The following PARP1 variants were observed in gnomAD, a reference collection of about 807,000 sequenced individuals.
PARP1 encodes the protein poly(ADP-ribose) polymerase 1.
PARP1 carries 44 observed loss-of-function variants against 118.7 expected under a neutral mutation model. The ratio of observed to expected loss-of-function variants is 0.37; its 90% confidence interval spans 0.29 to 0.48. The LOEUF (loss-of-function observed/expected upper bound fraction) is 0.48, where lower values mean the gene tolerates loss of function less well. Among genes scored for constraint, PARP1 ranks in the 20% least tolerant of loss-of-function variants. The probability of loss-of-function intolerance (pLI) is 0.99; values close to 1 mark genes in which losing one functional copy is unlikely to be tolerated. For synonymous variants in PARP1, 492 were observed against 483.2 expected (o/e 1.02, Z -0.24); for missense variants, 1,100 against 1,272.4 (o/e 0.86, Z 2.06).
intron 18 of PARP1, 57 bp downstream of exon 18, chr1:226,365,897 T>A: frequency 8.9e-7 from 1 of 1,129,550 alleles, no homozygotes; most frequent in Non-Finnish European, 1.4e-6. Flanking sequence ...GTTGGAGGAG[T>A]GGGCAGGGAA....
chr1:226,379,840 A>G (rs1664569353), intron 10 of PARP1, 82 bp downstream of exon 10: 2 of 1,602,472 alleles, frequency 1.2e-6, no homozygotes, highest in Admixed American at 3.3e-5. Context: ...CAGGGACACA[A>G]AGGGAGAGGT....
intron 3 of PARP1, among the ~76,000 whole-genome samples, chr1:226,390,918 T>G (rs1191954743): frequency 6.6e-6 from 1 of 151,908 alleles, no homozygotes; most frequent in Non-Finnish European, 1.5e-5. Flanking sequence ...TCTGCTGACC[T>G]GGGGCAGGCA....
chr1:226,371,137 C>G (rs1664375029), intron 14 of PARP1: 1 of 156,664 alleles, frequency 6.4e-6, no homozygotes, highest in Admixed American at 6.0e-5. Flanking sequence ...GATCTGCAGC[C>G]TTCATTTTCC....
Position 226,381,182 on chromosome 1 carries a change from G to C in PARP1, c.1186C>G (p.Leu396Val), listed in dbSNP as rs763992857. The C allele has an allele frequency of 6.2e-7, 1 of 1,614,166 alleles. No homozygotes were observed. The highest frequency in any genetic ancestry group is 1.3e-5 in the African/African-American group (1 of 75,036). ...ADKPLSNMKILTLGKLSRNKD... is the reference protein window; with the variant it reads ...ADKPLSNMKIVTLGKLSRNKD... ...TTCCGGGACAGCTTCCCGAGAGTCAGGATCTTCATGTTGGATAATGGCTTA... is the reference window on the plus strand; with the variant it reads ...TTCCGGGACAGCTTCCCGAGAGTCACGATCTTCATGTTGGATAATGGCTTA... Residue 396 changes from leucine (L) to valine (V), a missense_variant, in exon 9 of 23, where the codon CTG becomes GTG. Physicochemically the swap from Leu to Val is conservative, Grantham distance 32. This residue lies in a region of PARP1 where 948 missense variants were observed against 1,031.8 expected (regional missense o/e 0.92). Transcript: ENST00000366794.
At chr1:226,384,379 G>A (rs1664678992) in intron 7 of PARP1, among the ~76,000 whole-genome samples, 1 of 152,252 alleles carries the variant, frequency 6.6e-6, no homozygotes, top group African/African-American at 2.4e-5. Context: ...TTGATTCTGT[G>A]GGACAAGTGC....
chr1:226,403,577 C>A (rs886746249), intron 1 of PARP1, among the ~76,000 whole-genome samples: 5 of 152,218 alleles, frequency 3.3e-5, no homozygotes, highest in African/African-American at 1.2e-4. Flanking sequence ...CCTGTGTAAT[C>A]CCACAATCTG....
chr1:226,391,504 G>A lies in PARP1; in HGVS notation c.402+695C>T, dbSNP rs1169416160. Among the ~76,000 whole-genome samples the A allele has an allele frequency of 4.6e-5, 7 of 152,032 alleles. No individual in the cohort carries two copies. In the East Asian group the frequency reaches 7.7e-4, roughly 17 times the overall value. On this transcript the variant is annotated intron_variant, in intron 3 of 22. Coordinates refer to ENST00000366794, the MANE Select transcript of PARP1 (RefSeq NM_001618.4). ...AGTAACCCAGCAGCACATACCATCC[G>A]GCATTCCCCTTGAGGTAAAGAGGAT...
chr1:226,401,915 T>G (rs1576404054), intron 2 of PARP1: 2 of 1,306,528 alleles, frequency 1.5e-6, no homozygotes, highest in Non-Finnish European at 2.0e-6. Flanking sequence ...GGGGAGGGGG[T>G]ACTGGAAACT....
intron 8 of PARP1, among the ~76,000 whole-genome samples, chr1:226,382,825 T>C (rs1664642873): frequency 6.6e-6 from 1 of 152,234 alleles, no homozygotes; most frequent in Admixed American, 6.5e-5. Context: ...GCCGATGCTA[T>C]GTTCTTAACA....
At chr1:226,381,240 G>A in intron 8 of PARP1, 32 bp from the exon 9 acceptor site, 1 of 1,613,960 alleles carries the variant, frequency 6.2e-7, no homozygotes, top group Non-Finnish European at 8.5e-7. Flanking sequence ...ATTCAGCAAG[G>A]CCAGCTCTGG....
At chr1:226,371,242 T>C (rs1664377172) in intron 14 of PARP1, 1 of 154,614 alleles carries the variant, frequency 6.5e-6, no homozygotes, top group South Asian at 2.0e-4. Context: ...GAGACACCTG[T>C]GTACCAATGG....
intron 15 of PARP1, among the ~76,000 whole-genome samples, chr1:226,369,821 G>A (rs1664342182): frequency 6.6e-6 from 1 of 152,154 alleles, no homozygotes; most frequent in South Asian, 2.1e-4. Context: ...GCCGGGTGTG[G>A]TGGCCCATGC....
chr1:226,408,075 C>G lies in PARP1; in HGVS notation c.-146G>C, dbSNP rs1665189314. On this transcript the variant is annotated 5_prime_UTR_variant, in exon 1 of 23. Transcript: ENST00000366794. ...CCGAACACGCCGCACCGGCCACCGC[C>G]GTTCCCTGATAGATTGCTGATGCCT... 4 of 1,201,566 alleles carry G rather than the reference C, an allele frequency of 3.3e-6. No individual in the cohort carries two copies. Among genetic ancestry groups the G allele is most frequent in the Admixed American group, 2.0e-5 (1 of 49,440 alleles). 74.4% of individuals were successfully genotyped at this position (1,201,566 alleles called of 1,614,324 possible).
chr1:226,384,295 T>C (rs565319158), intron 7 of PARP1, among the ~76,000 whole-genome samples: 12 of 152,060 alleles, frequency 7.9e-5, no homozygotes, highest in African/African-American at 2.9e-4. Flanking sequence ...AAGAAAAGGG[T>C]GGCAGAAAAA....
At position 226,385,528 on chromosome 1, in the gene PARP1, G is replaced by A. The variant is rs770845304; in HGVS notation, c.987C>T (p.Asn329=). The A allele has an allele frequency of 5.6e-6, 9 of 1,613,936 alleles. No homozygotes were observed. In the Admixed American group the frequency reaches 1.5e-4, roughly 27 times the overall value. ...TKCMVKTQTP[N]RKEWVTPKEF... The stretch of plus-strand genomic sequence containing the variant: ...CCTTTGGGGTTACCCACTCCTTCCG[G>A]TTGGGTGTCTGTGTCTTGACCATAC... The change falls in exon 7 of 23, where the codon AAC becomes AAT. Residue 329 remains asparagine (N), a synonymous_variant. Coordinates refer to ENST00000366794, the MANE Select transcript of PARP1 (RefSeq NM_001618.4).
chr1:226,383,103 G>T lies in PARP1; in HGVS notation c.1092C>A (p.Ser364=), dbSNP rs761844848. The T allele has an allele frequency of 1.4e-5, 23 of 1,612,910 alleles. No homozygotes were observed. The highest frequency in any genetic ancestry group is 1.9e-5 in the Non-Finnish European group (23 of 1,179,806). The change falls in exon 8 of 23, where the codon TCC becomes TCA. Residue 364 remains serine (S), a synonymous_variant. Transcript: ENST00000366794. ...TGGAGGGCGGAGGCGTGGCCGCCAC[G>T]GAGGCGCTGGTTTCTGGGGGGAATA... is the stretch of plus-strand genomic sequence containing the variant. ...DRIFPPETSA[S]VAATPPPSTA... is the part of the protein sequence containing the mutation.
intron 2 of PARP1, among the ~76,000 whole-genome samples, chr1:226,397,827 G>A: frequency 6.6e-6 from 1 of 152,026 alleles, no homozygotes; most frequent in East Asian, 1.9e-4. Context: ...TAGATCAGTG[G>A]GACAGAACAG....
In PARP1 at chr1:226,377,302, A is replaced by G. The variant is rs751561930; in HGVS notation, c.1747T>C (p.Tyr583His). The G allele has an allele frequency of 8.7e-6, 14 of 1,612,816 alleles. No individual in the cohort carries two copies. In the East Asian group the frequency reaches 2.5e-4, roughly 28 times the overall value. The change falls in exon 13 of 23, where the codon TAT becomes CAT. Residue 583 changes from tyrosine to histidine, a missense_variant and splice_region_variant. Coordinates refer to ENST00000366794, the MANE Select transcript of PARP1 (RefSeq NM_001618.4). ...QLLEDDKENR[Y>H]WIFRSWGRVG... ...CGGCCCCAGGACCTGAATATCCAAT[A>G]CCTGCAGTGGGAAGGAGGGTGTCAG...
intron 2 of PARP1, among the ~76,000 whole-genome samples, chr1:226,397,607 C>G (rs973106988): frequency 2.0e-5 from 3 of 152,180 alleles, no homozygotes; most frequent in African/African-American, 7.2e-5. Context: ...TGTCATGATA[C>G]TTGTGAGTTC....
Sources: allele counts gnomAD v4.1 joint callset (sites outside exome capture counted in the v4.1 genomes callset), GRCh38; gene constraint gnomAD v4.1.1; regional missense constraint gnomAD v4.1.1; transcripts MANE v1.5; gene names NCBI Gene and HGNC (gene_info 2026-07-23, HGNC 2026-07-21).